The following ASH1L variants were observed in gnomAD, a reference collection of about 807,000 sequenced individuals.
The protein encoded by ASH1L is ASH1 like histone lysine methyltransferase, also known as histone-lysine N-methyltransferase ASH1L.
In ASH1L, 23 loss-of-function variants were observed where a neutral mutation model predicts 269.0. The observed-to-expected ratio is 0.09, with a 90% confidence interval of 0.06 to 0.12. The LOEUF (loss-of-function observed/expected upper bound fraction) is 0.12, where lower values mean the gene tolerates loss of function less well. Ranked by LOEUF, ASH1L falls within the 10% of genes least tolerant of loss-of-function variation. The pLI, the probability that ASH1L is intolerant of heterozygous loss-of-function variation, is 1.00. For synonymous variants in ASH1L, 1,187 were observed against 1,253.5 expected (o/e 0.95, Z 1.12); for missense variants, 2,912 against 3,567.8 (o/e 0.82, Z 4.68).
intron 6 of ASH1L, among the ~76,000 whole-genome samples, chr1:155,415,111 C>T (rs1041478657): frequency 2.0e-5 from 3 of 152,016 alleles, no homozygotes; most frequent in Non-Finnish European, 2.9e-5. Context: ...GGGCCAGGCA[C>T]GGTGGTTCAC....
chr1:155,496,969 G>A lies in ASH1L; in HGVS notation c.421-14520C>T, dbSNP rs181101797. 1.1e-4 allele frequency among the ~76,000 whole-genome samples: 17 copies of A among 152,128 alleles called. No individual in the cohort carries two copies. In the East Asian group the frequency reaches 1.7e-3, roughly 16 times the overall value. Reference sequence around the variant, plus strand: ...CCAATTATTAGATTTTCTATTCGGCGTCAGTGATTTTCCGTCTGCCAGTCC... The same window carrying A: ...CCAATTATTAGATTTTCTATTCGGCATCAGTGATTTTCCGTCTGCCAGTCC... On this transcript the variant is annotated intron_variant, in intron 2 of 27. Coordinates refer to ENST00000392403, the MANE Select transcript of ASH1L (RefSeq NM_018489.3).
chr1:155,533,540 C>A (rs972010217), intron 1 of ASH1L, among the ~76,000 whole-genome samples: 7 of 151,042 alleles, frequency 4.6e-5, no homozygotes, highest in African/African-American at 9.8e-5. Context: ...GGTGAAACCC[C>A]GTCTCCACTT....
At position 155,482,372 on chromosome 1, in the gene ASH1L, A is replaced by G; in HGVS notation, c.498T>C (p.His166=). 6.2e-7 allele frequency: 1 copy of G among 1,614,148 alleles called. No homozygotes were observed. Among genetic ancestry groups the G allele is most frequent in the South Asian group, 1.1e-5 (1 of 91,078 alleles). Residue 166 remains histidine (H), a synonymous_variant, in exon 3 of 28, where the codon CAT becomes CAC. Coordinates refer to ENST00000392403, the MANE Select transcript of ASH1L (RefSeq NM_018489.3). ...ACAAAGGATTGTTTTCTCCCTGTGAATGAAGACGGATGACTTCTTCAGACT... is the reference window on the plus strand; with the variant it reads ...ACAAAGGATTGTTTTCTCCCTGTGAGTGAAGACGGATGACTTCTTCAGACT... The part of the protein sequence containing the change: ...ECQSEEVIRL[H]SQGENNPLSK...
At chr1:155,345,132 T>C (rs965655774) in intron 21 of ASH1L, among the ~76,000 whole-genome samples, 3 of 151,608 alleles carry the variant, frequency 2.0e-5, no homozygotes, top group Admixed American at 6.6e-5. Context: ...AATTTTTGTA[T>C]TTTTAGTAGA....
intron 2 of ASH1L, among the ~76,000 whole-genome samples, chr1:155,519,734 C>G (rs2148838080): frequency 6.6e-6 from 1 of 152,190 alleles, no homozygotes; most frequent in South Asian, 2.1e-4. Flanking sequence ...CCTGAGCTCA[C>G]TGCAACCTCT....
intron 1 of ASH1L, among the ~76,000 whole-genome samples, chr1:155,533,671 A>G (rs1669841620): frequency 6.7e-6 from 1 of 150,172 alleles, no homozygotes; most frequent in Non-Finnish European, 1.5e-5. Flanking sequence ...CCCAGATCGC[A>G]CCGCTGCACT....
Position 155,349,427 on chromosome 1 carries a change from G to C in ASH1L, c.7454C>G (p.Pro2485Arg), listed in dbSNP as rs1171240614. The change falls in exon 19 of 28, where the codon CCC becomes CGC. Residue 2485 changes from proline to arginine, a missense_variant. By Grantham distance (103) the Pro-to-Arg change is moderately radical (BLOSUM62 -2). Around this residue, in one of 13 missense-constraint regions of ASH1L, gnomAD observed 309 missense variants for 435.1 expected, o/e 0.71. Coordinates refer to ENST00000392403, the MANE Select transcript of ASH1L (RefSeq NM_018489.3). ...NADYYEKISD[P>R]LDLITIEKQI... ...CTTCTCTATGGTGATAAGATCTAGG[G>C]GATCAGAGATCTTCTCATAATAATC... 6.2e-7 allele frequency: 1 copy of C among 1,613,878 alleles called. No individual in the cohort carries two copies. The highest frequency in any genetic ancestry group is 2.2e-5 in the East Asian group (1 of 44,892).
At chr1:155,499,080 T>A (rs1667342976) in intron 2 of ASH1L, among the ~76,000 whole-genome samples, 1 of 152,180 alleles carries the variant, frequency 6.6e-6, no homozygotes, top group Admixed American at 6.5e-5. Context: ...TTGAATTTTA[T>A]ATTCCACACT....
chr1:155,338,397 G>T lies in ASH1L; in HGVS notation c.8502-7C>A. On this transcript the variant is annotated splice_region_variant and splice_polypyrimidine_tract_variant and intron_variant, in intron 26 of 27. Transcript: ENST00000392403. ...CTCAGACTTCCAGGATGATCTGCCA[G>T]AAGGATATCTGAATTTAGTGTAAGA... 6.2e-7 allele frequency: 1 copy of T among 1,608,670 alleles called. No homozygotes were observed. The highest frequency in any genetic ancestry group is 8.5e-7 in the Non-Finnish European group (1 of 1,176,542).
chr1:155,367,944 T>C (rs1655585858), intron 12 of ASH1L, among the ~76,000 whole-genome samples: 1 of 152,182 alleles, frequency 6.6e-6, no homozygotes, highest in Non-Finnish European at 1.5e-5. Context: ...TAGAAGAAGG[T>C]AATGCTAGTT....
At chr1:155,501,048 AC>A (rs1158161390) in intron 2 of ASH1L, among the ~76,000 whole-genome samples, 2 of 152,176 alleles carry the variant, frequency 1.3e-5, no homozygotes, top group African/African-American at 4.8e-5. Flanking sequence ...TAAAAACAAA[AC>A]AAAAGGCAAT....
Position 155,357,406 on chromosome 1 carries a change from C to T in ASH1L, c.6965G>A (p.Gly2322Asp), listed in dbSNP as rs1440655238. ...TTCACTGGGTTCCTCAGAGAGATGG[C>T]CTCTCTGAAAAAGAGATGGATCAGA... ...KSKHKLKKRR[G>D]HLSEEPSENI... The change falls in exon 15 of 28, where the codon GGC becomes GAC. Residue 2322 changes from glycine to aspartate, a missense_variant. By Grantham distance (94) the Gly-to-Asp change is moderately conservative. This residue lies in a region of ASH1L where 309 missense variants were observed against 435.1 expected (regional missense o/e 0.71). Transcript: ENST00000392403. 1.9e-6 allele frequency: 3 copies of T among 1,610,162 alleles called. No individual in the cohort carries two copies. Among genetic ancestry groups the T allele is most frequent in the Non-Finnish European group, 2.5e-6 (3 of 1,176,868 alleles).
At chr1:155,501,943 G>T (rs186430449) in intron 2 of ASH1L, among the ~76,000 whole-genome samples, 10 of 152,244 alleles carry the variant, frequency 6.6e-5, no homozygotes, top group East Asian at 5.8e-4. Context: ...TTACAGGCAT[G>T]AGCCACTGCA....
rs770406846 is a variant in ASH1L at position 155,478,519 on chromosome 1, C to T, written c.4351G>A (p.Ala1451Thr). The T allele has an allele frequency of 1.9e-6, 3 of 1,614,032 alleles. No individual in the cohort carries two copies. Among genetic ancestry groups the T allele is most frequent in the East Asian group, 2.2e-5 (1 of 44,876 alleles). ...GGAGTCCTGCTGGTTGTAAGAAAGG[C>T]CTCCTGTCGAAGTAGCTTATGCTTT... ...KKKHKLLRQEAFLTTSRTPLL... is the reference protein window; with the variant it reads ...KKKHKLLRQETFLTTSRTPLL... Residue 1451 changes from alanine (A) to threonine (T), a missense_variant, in exon 3 of 28, where the codon GCC (alanine) becomes ACC (threonine). By Grantham distance (58) the Ala-to-Thr change is moderately conservative (BLOSUM62 0). Transcript: ENST00000392403. The surrounding 1 kb of genome is among the most constrained non-coding windows in gnomAD (Gnocchi z 4.6).
intron 2 of ASH1L, among the ~76,000 whole-genome samples, chr1:155,484,785 C>T (rs1375580147): frequency 1.3e-5 from 2 of 150,740 alleles, no homozygotes; most frequent in Non-Finnish European, 3.0e-5. Flanking sequence ...AAATATCAGC[C>T]GGACGTGGTG....
intron 12 of ASH1L, among the ~76,000 whole-genome samples, chr1:155,365,042 T>C (rs532987805): frequency 5.9e-5 from 9 of 152,278 alleles, no homozygotes; most frequent in African/African-American, 1.9e-4. Flanking sequence ...GAATTCTTTC[T>C]TGTGTTCTTT....
chr1:155,509,944 C>G (rs981874914), intron 2 of ASH1L, among the ~76,000 whole-genome samples: 1 of 152,132 alleles, frequency 6.6e-6, no homozygotes, highest in African/African-American at 2.4e-5. Context: ...CTACAAAGAT[C>G]TGCAAAACAA....
chr1:155,339,144 G>A (rs1369578226), intron 26 of ASH1L, among the ~76,000 whole-genome samples, 184 bp downstream of exon 26: 1 of 152,130 alleles, frequency 6.6e-6, no homozygotes, highest in African/African-American at 2.4e-5. Context: ...TCCAATTAAG[G>A]CTCCATAATG....
rs1333827771 is a variant in ASH1L at position 155,354,477 on chromosome 1, C to T, written c.7209G>A (p.Lys2403=). The change falls in exon 16 of 28, where the codon AAG becomes AAA. Residue 2403 remains lysine, a synonymous_variant. Transcript: ENST00000392403. ...GAAATGTTTCAAATGCCTTACCAGACTTGATATTCCCATCATCTCGGCAGA... is the reference window on the plus strand; with the variant it reads ...GAAATGTTTCAAATGCCTTACCAGATTTGATATTCCCATCATCTCGGCAGA... ...NGICRDDGNI[K]SDVFMTQFSA... 6.2e-6 allele frequency: 10 copies of T among 1,606,584 alleles called. No individual in the cohort carries two copies. Among genetic ancestry groups the T allele is most frequent in the Non-Finnish European group, 8.5e-6 (10 of 1,178,148 alleles).
Sources: allele counts gnomAD v4.1 joint callset (sites outside exome capture counted in the v4.1 genomes callset), GRCh38; gene constraint gnomAD v4.1.1; regional missense constraint gnomAD v4.1.1; non-coding constraint Gnocchi (gnomAD v3.1); transcripts MANE v1.5; gene names NCBI Gene and HGNC (gene_info 2026-07-23, HGNC 2026-07-21).